Variants in PHACTR1 observed in about 807,000 individuals in gnomAD.
The protein encoded by PHACTR1 is phosphatase and actin regulator 1.
A neutral mutation model predicts 69.2 loss-of-function variants in PHACTR1; 16 were observed. The ratio of observed to expected loss-of-function variants is 0.23; its 90% CI spans 0.16 to 0.35. The LOEUF is 0.35. PHACTR1 is among the 10% of genes least tolerant of loss of function. PHACTR1 has a pLI of 1.00. For missense variants in PHACTR1, 510 were observed against 734.7 expected (o/e 0.69, Z 3.54); for synonymous variants, 312 against 284.5 (o/e 1.10, Z -0.97).
Position 13,036,694 on chromosome 6 carries a change from A to G in PHACTR1, c.251-16671A>G, listed in dbSNP as rs140004190. On this transcript the variant is annotated intron_variant, in intron 4 of 14. Transcript: ENST00000332995. ...TAATCTTACCCTGTCATGCGAGAAAATTCTCCACATGGTATTTCTTACCTG... is the reference window on the plus strand; with the variant it reads ...TAATCTTACCCTGTCATGCGAGAAAGTTCTCCACATGGTATTTCTTACCTG... 3.5e-3 allele frequency among the ~76,000 whole-genome samples: 535 copies of G among 152,300 alleles called. 2 individuals are homozygous for G. The highest frequency in any genetic ancestry group is 0.012 in the African/African-American group (514 of 41,554).
At chr6:13,233,214 C>T (rs1224476391) in intron 10 of PHACTR1, among the ~76,000 whole-genome samples, 1 of 152,234 alleles carries the variant, frequency 6.6e-6, no homozygotes, top group Non-Finnish European at 1.5e-5. Flanking sequence ...GATTAGCTAG[C>T]AAAGGCAGTC....
intron 4 of PHACTR1, among the ~76,000 whole-genome samples, chr6:13,008,896 AG>A (rs1018110981): frequency 6.6e-6 from 1 of 152,186 alleles, no homozygotes; most frequent in Admixed American, 6.5e-5. Context: ...ATTATCACAA[AG>A]TTAGCGGCTT....
At chr6:13,200,523 G>A (rs1431619225) in intron 7 of PHACTR1, among the ~76,000 whole-genome samples, 2 of 152,216 alleles carry the variant, frequency 1.3e-5, no homozygotes, top group African/African-American at 2.4e-5. Flanking sequence ...GGAACATGAA[G>A]TTGCATCAGG....
chr6:12,758,794 T>C (rs1033782829), intron 4 of PHACTR1, among the ~76,000 whole-genome samples: 1 of 151,974 alleles, frequency 6.6e-6, no homozygotes, highest in Non-Finnish European at 1.5e-5. Flanking sequence ...AAAGAAGAGA[T>C]GGAACTAGGA....
At chr6:13,247,278 AT>A (rs979401522) in intron 10 of PHACTR1, among the ~76,000 whole-genome samples, 7 of 148,412 alleles carry the variant, frequency 4.7e-5, no homozygotes, top group South Asian at 2.1e-4. Context: ...GACTGTTAGG[AT>A]TTTCCTCATT....
intron 4 of PHACTR1, among the ~76,000 whole-genome samples, chr6:13,032,868 T>C (rs1802670351): frequency 6.6e-6 from 1 of 152,232 alleles, no homozygotes; most frequent in South Asian, 2.1e-4. Context: ...CCCAAAGTGC[T>C]GGGATTACCG....
At chr6:12,721,557 T>C (rs1762129791) in intron 3 of PHACTR1, among the ~76,000 whole-genome samples, 1 of 152,204 alleles carries the variant, frequency 6.6e-6, no homozygotes, top group Non-Finnish European at 1.5e-5. Flanking sequence ...AGGGCATAAC[T>C]GAAAAATAGC....
intron 5 of PHACTR1, among the ~76,000 whole-genome samples, chr6:13,063,865 G>A (rs973190720): frequency 1.3e-5 from 2 of 152,120 alleles, no homozygotes; most frequent in East Asian, 3.9e-4. Context: ...ACATGGACAA[G>A]AATCTGCTCA....
At chr6:13,184,884 C>T in intron 7 of PHACTR1, 7 of 1,366,594 alleles carry the variant, frequency 5.1e-6, no homozygotes, top group Non-Finnish European at 6.9e-6. Flanking sequence ...TACTGCCCCC[C>T]AAAAAACCTG....
chr6:13,181,643 A>G (rs1193091917), intron 6 of PHACTR1, among the ~76,000 whole-genome samples: 1 of 152,198 alleles, frequency 6.6e-6, no homozygotes, highest in Non-Finnish European at 1.5e-5. Flanking sequence ...ACGTGGCGTG[A>G]TTGGTGGTCG....
At chr6:12,855,989 A>G (rs1780315181) in intron 4 of PHACTR1, among the ~76,000 whole-genome samples, 1 of 152,202 alleles carries the variant, frequency 6.6e-6, no homozygotes, top group Non-Finnish European at 1.5e-5. Flanking sequence ...TGTAAACTTT[A>G]AAGTTAATAG....
At chr6:12,783,927 G>A (rs1306307524) in intron 4 of PHACTR1, among the ~76,000 whole-genome samples, 1 of 152,114 alleles carries the variant, frequency 6.6e-6, no homozygotes, top group Non-Finnish European at 1.5e-5. Context: ...TTTTATGCTT[G>A]CTTGGTAGAC....
chr6:13,016,434 T>G (rs568816770), intron 4 of PHACTR1, among the ~76,000 whole-genome samples: 1 of 152,374 alleles, frequency 6.6e-6, no homozygotes, highest in African/African-American at 2.4e-5. Flanking sequence ...AGATGAAATT[T>G]TACAAAGGTA....
At chr6:13,158,649 A>G (rs901260093) in intron 5 of PHACTR1, among the ~76,000 whole-genome samples, 1 of 152,206 alleles carries the variant, frequency 6.6e-6, no homozygotes, top group African/African-American at 2.4e-5. Flanking sequence ...CTTTTTTATC[A>G]CAATGGAGAT....
At chr6:12,794,861 G>C (rs1378628198) in intron 4 of PHACTR1, among the ~76,000 whole-genome samples, 1 of 152,164 alleles carries the variant, frequency 6.6e-6, no homozygotes, top group Non-Finnish European at 1.5e-5. Context: ...TAGAGGGGAG[G>C]CAGGGGCCAG....
chr6:12,954,831 A>T (rs115921137), intron 4 of PHACTR1, among the ~76,000 whole-genome samples: 1,729 of 152,322 alleles, frequency 0.011, 31 homozygotes, highest in African/African-American at 0.04. Context: ...AAAATGTGCA[A>T]GTAGGGATAG....
At chr6:12,805,858 C>G (rs77655535) in intron 4 of PHACTR1, among the ~76,000 whole-genome samples, 3 of 152,164 alleles carry the variant, frequency 2.0e-5, no homozygotes, top group Non-Finnish European at 4.4e-5. Context: ...GCCTCAGGTT[C>G]CCAAAGTGCT....
Position 12,953,513 on chromosome 6 carries a change from C to A in PHACTR1, c.251-99852C>A, listed in dbSNP as rs11969024. 4.1e-3 allele frequency among the ~76,000 whole-genome samples: 626 copies of A among 152,226 alleles called. 3 individuals carry two copies. Among genetic ancestry groups the A allele is most frequent in the African/African-American group, 0.014 (591 of 41,544 alleles). On this transcript the variant is annotated intron_variant, in intron 4 of 14. Transcript: ENST00000332995. ...TGCAAATAAGTTAACAAATATGTAA[C>A]CCTGTGTACTTTGGAGACACAACTA...
rs769997676 is a variant in PHACTR1, at chr6:12,731,879, A to G, written c.103+13032A>G. ...GATGCTCACATGTCGCCACACATTCAAAGGTAGAATGTCTCAATGTTGTGC... is the reference window on the plus strand; with the variant it reads ...GATGCTCACATGTCGCCACACATTCGAAGGTAGAATGTCTCAATGTTGTGC... On this transcript the variant is annotated intron_variant, in intron 3 of 14. Transcript: ENST00000332995. 3.3e-5 allele frequency among the ~76,000 whole-genome samples: 5 copies of G among 152,138 alleles called. No homozygotes were observed. The South Asian group carries it at 1.0e-3, about 32-fold the overall frequency.
Sources: allele counts gnomAD v4.1 joint callset (sites outside exome capture counted in the v4.1 genomes callset), GRCh38; gene constraint gnomAD v4.1.1; transcripts MANE v1.5; gene names NCBI Gene and HGNC (gene_info 2026-07-23, HGNC 2026-07-21).